MAPK4: variants seen among roughly 807,000 people sequenced by gnomAD.
MAPK4 encodes the protein mitogen-activated protein kinase 4.
In MAPK4, 22 loss-of-function variants were observed where a neutral mutation model predicts 47.7. That is an observed-to-expected ratio of 0.46 (90% CI 0.33 to 0.66). The LOEUF is 0.66. Ranked by LOEUF, MAPK4 falls within the 30% of genes least tolerant of loss-of-function variation. MAPK4 has a pLI of 0.02. For synonymous variants in MAPK4, 390 were observed against 365.7 expected, an observed-to-expected ratio of 1.07 and a Z score of -0.76; for missense variants, 736 against 831.7, an observed-to-expected ratio of 0.88 and a Z score of 1.42.
intron 1 of MAPK4, among the ~76,000 whole-genome samples, chr18:50,578,588 A>G (rs567137221): frequency 2.1e-4 from 32 of 152,372 alleles, no homozygotes; most frequent in Non-Finnish European, 3.5e-4. Flanking sequence ...AATGGTTACA[A>G]GATCAGGAAT....
At chr18:50,567,819 GT>G (rs765436589) in intron 1 of MAPK4, among the ~76,000 whole-genome samples, 30 of 145,572 alleles carry the variant, frequency 2.1e-4, no homozygotes, top group African/African-American at 7.8e-4. Flanking sequence ...TGAGTGTAGT[GT>G]TTTTTTAAAA....
At chr18:50,599,886 A>T (rs1238374415) in intron 1 of MAPK4, among the ~76,000 whole-genome samples, 1 of 152,230 alleles carries the variant, frequency 6.6e-6, no homozygotes, top group Admixed American at 6.5e-5. Flanking sequence ...GTGTTTGTGA[A>T]AATAGCTTGG....
intron 1 of MAPK4, among the ~76,000 whole-genome samples, chr18:50,586,918 G>T (rs2042394149): frequency 6.6e-6 from 1 of 151,748 alleles, no homozygotes; most frequent in Non-Finnish European, 1.5e-5. Flanking sequence ...ATCTTGTGGT[G>T]ACACCTTCAA....
At chr18:50,699,949 G>C (rs1598927310) in intron 2 of MAPK4, among the ~76,000 whole-genome samples, 1 of 152,192 alleles carries the variant, frequency 6.6e-6, no homozygotes, top group Non-Finnish European at 1.5e-5. Flanking sequence ...CTTAGCACAT[G>C]GGTATGTATC....
At position 50,730,174 on chromosome 18, in the gene MAPK4, A is replaced by G. The variant is rs117538599; in HGVS notation, c.*320A>G. 2,013 of 233,992 alleles carry G rather than the reference A, an allele frequency of 8.6e-3. 55 individuals are homozygous for G. Among genetic ancestry groups the G allele is most frequent in the East Asian group, 0.068 (787 of 11,562 alleles). 14.5% of individuals were successfully genotyped at this position (233,992 alleles called of 1,614,324 possible). ...GCCCCACCTGGGTGGCAGGATGCCGAGAAATCTTGCAGAGGTAGCTCCGAA... is the reference window on the plus strand; with the variant it reads ...GCCCCACCTGGGTGGCAGGATGCCGGGAAATCTTGCAGAGGTAGCTCCGAA... On this transcript the variant is annotated 3_prime_UTR_variant, in exon 6 of 6. Transcript: ENST00000400384.
At chr18:50,621,616 C>T (rs980486524) in intron 1 of MAPK4, among the ~76,000 whole-genome samples, 6 of 152,202 alleles carry the variant, frequency 3.9e-5, no homozygotes, top group African/African-American at 1.2e-4. Context: ...TCTTTCTCTC[C>T]AGAGCTGATA....
chr18:50,589,849 C>T (rs1401030064), intron 1 of MAPK4, among the ~76,000 whole-genome samples: 2 of 152,172 alleles, frequency 1.3e-5, no homozygotes, highest in Non-Finnish European at 2.9e-5. Flanking sequence ...ACAGAAAATT[C>T]ACAGCTGGAG....
At chr18:50,714,807 A>G (rs983631630) in intron 2 of MAPK4, among the ~76,000 whole-genome samples, 3 of 152,152 alleles carry the variant, frequency 2.0e-5, no homozygotes, top group African/African-American at 7.2e-5. Flanking sequence ...CATTTCTTCT[A>G]AAATATTAAT....
chr18:50,700,430 A>G (rs1012938480), intron 2 of MAPK4, among the ~76,000 whole-genome samples: 1 of 152,242 alleles, frequency 6.6e-6, no homozygotes, highest in African/African-American at 2.4e-5. Context: ...CAACTGTGAA[A>G]GTGAATTAGC....
At chr18:50,652,647 T>TAGGTTAG (rs2043062925) in intron 1 of MAPK4, among the ~76,000 whole-genome samples, 1 of 152,194 alleles carries the variant, frequency 6.6e-6, no homozygotes, top group South Asian at 2.1e-4. Flanking sequence ...ATATTAATAT[T>TAGGTTAG]GATGCAGTAG....
intron 2 of MAPK4, among the ~76,000 whole-genome samples, chr18:50,676,484 A>T (rs1335866508): frequency 6.6e-6 from 1 of 152,224 alleles, no homozygotes; most frequent in Non-Finnish European, 1.5e-5. Flanking sequence ...GGGTTTTGTA[A>T]AAGTGTTTTG....
chr18:50,726,114 G>C lies in MAPK4; in HGVS notation c.1006G>C (p.Asp336His). 1 of 1,614,146 alleles carries C rather than the reference G, an allele frequency of 6.2e-7. No individual in the cohort carries two copies. Among genetic ancestry groups the C allele is most frequent in the Non-Finnish European group, 8.5e-7 (1 of 1,180,018 alleles). Residue 336 changes from aspartate to histidine, a missense_variant, in exon 5 of 6, where the codon GAC (aspartate) becomes CAC (histidine). This residue lies in a region of MAPK4 where 377 missense variants were observed against 378.6 expected (regional missense o/e 1.00). Coordinates refer to ENST00000400384, the MANE Select transcript of MAPK4 (RefSeq NM_002747.4). ...HPFRIEDEID[D>H]IVLMAANQSQ... ...CTTCCGCATTGAGGATGAGATCGAC[G>C]ACATCGTGCTGATGGCCGCTAACCA...
chr18:50,626,994 A>G lies in MAPK4; in HGVS notation c.-870-36095A>G, dbSNP rs560737016. 2.1e-3 allele frequency among the ~76,000 whole-genome samples: 313 copies of G among 152,248 alleles called. 2 individuals are homozygous for G. The highest frequency in any genetic ancestry group is 3.2e-3 in the Non-Finnish European group (215 of 67,992). ...TTGTCATTAGGCCTTGTCACTGTGA[A>G]GGGAAGGGAGAGTATCACCATTCCA... On this transcript the variant is annotated intron_variant, in intron 1 of 5. Coordinates refer to ENST00000400384, the MANE Select transcript of MAPK4 (RefSeq NM_002747.4).
At chr18:50,698,450 A>G (rs1909618972) in intron 2 of MAPK4, among the ~76,000 whole-genome samples, 1 of 152,202 alleles carries the variant, frequency 6.6e-6, no homozygotes, top group East Asian at 1.9e-4. Context: ...ATATCATCAA[A>G]TTGACTAAAA....
At chr18:50,703,643 T>C (rs2144391976) in intron 2 of MAPK4, among the ~76,000 whole-genome samples, 1 of 152,304 alleles carries the variant, frequency 6.6e-6, no homozygotes, top group East Asian at 1.9e-4. Context: ...CCAGCATTCC[T>C]CACAGCCTGT....
intron 1 of MAPK4, among the ~76,000 whole-genome samples, chr18:50,594,871 A>G (rs1443804920): frequency 6.6e-6 from 1 of 152,234 alleles, no homozygotes; most frequent in Admixed American, 6.5e-5. Flanking sequence ...ACTCCTACTA[A>G]TCAATAATAA....
At chr18:50,675,878 C>T (rs1294272263) in intron 2 of MAPK4, among the ~76,000 whole-genome samples, 1 of 152,210 alleles carries the variant, frequency 6.6e-6, no homozygotes, top group Non-Finnish European at 1.5e-5. Context: ...CCGCCTGCCT[C>T]AGCCTCCTAA....
At chr18:50,608,397 C>T (rs1431279718) in intron 1 of MAPK4, among the ~76,000 whole-genome samples, 1 of 152,222 alleles carries the variant, frequency 6.6e-6, no homozygotes, top group Non-Finnish European at 1.5e-5. Context: ...TTCTGCTTCC[C>T]TCATCCTGGT....
In MAPK4 at chr18:50,718,399, G is replaced by C. The variant is rs200924406; in HGVS notation, c.691+3176G>C. 1.1e-4 allele frequency among the ~76,000 whole-genome samples: 16 copies of C among 152,152 alleles called. No homozygotes were observed. The East Asian group carries it at 2.9e-3, about 28-fold the overall frequency. ...ACACCCAGCTAATTTTGTATTTATA[G>C]TAGAGACGGAGTTTTGCCATGTTGG... On this transcript the variant is annotated intron_variant, in intron 3 of 5. Coordinates refer to ENST00000400384, the MANE Select transcript of MAPK4 (RefSeq NM_002747.4).
Sources: allele counts gnomAD v4.1 joint callset (sites outside exome capture counted in the v4.1 genomes callset), GRCh38; gene constraint gnomAD v4.1.1; regional missense constraint gnomAD v4.1.1; transcripts MANE v1.5; gene names NCBI Gene and HGNC (gene_info 2026-07-23, HGNC 2026-07-21).